STK3: variants seen among roughly 807,000 people sequenced by gnomAD.
STK3 encodes the protein serine/threonine kinase 3.
STK3 carries 41 observed loss-of-function variants against 58.0 expected under a neutral mutation model. That is an observed-to-expected ratio of 0.71 (90% confidence interval 0.55 to 0.92). The LOEUF (loss-of-function observed/expected upper bound fraction) is 0.92. STK3 is among the 40% of genes least tolerant of loss of function. STK3 has a pLI of 0.00. For missense variants in STK3, 479 were observed against 602.7 expected (o/e 0.79, Z 2.15); for synonymous variants, 170 against 191.0 (o/e 0.89, Z 0.91).
chr8:98,732,956 T>C (rs1462775881), intron 4 of STK3, among the ~76,000 whole-genome samples: 1 of 152,208 alleles, frequency 6.6e-6, no homozygotes, highest in African/African-American at 2.4e-5. Context: ...CAACCTAAAA[T>C]GTGGCAATGA....
At chr8:98,834,177 C>A (rs1034385477) in intron 3 of STK3, among the ~76,000 whole-genome samples, 2 of 152,180 alleles carry the variant, frequency 1.3e-5, no homozygotes, top group African/African-American at 4.8e-5. Flanking sequence ...TATAGTTGAA[C>A]AATGTATAGC....
At chr8:98,544,594 G>A (rs1229328120) in intron 9 of STK3, among the ~76,000 whole-genome samples, 1 of 151,028 alleles carries the variant, frequency 6.6e-6, no homozygotes, top group Non-Finnish European at 1.5e-5. Flanking sequence ...CAAGGCAGGA[G>A]GTTTACCTGA....
intron 1 of STK3, among the ~76,000 whole-genome samples, chr8:98,941,490 G>T (rs1156387622): frequency 6.6e-6 from 1 of 152,254 alleles, no homozygotes; most frequent in Non-Finnish European, 1.5e-5. Context: ...TAGTGGCTGG[G>T]ATCCCTGGAA....
chr8:98,395,738 T>C (rs1002325766), intron 3 of STK3, among the ~76,000 whole-genome samples: 3 of 152,198 alleles, frequency 2.0e-5, no homozygotes, highest in Admixed American at 6.5e-5. Flanking sequence ...CTCCAGCAAA[T>C]GTCACAACTG....
intron 4 of STK3, among the ~76,000 whole-genome samples, chr8:98,738,722 G>T (rs1828860948): frequency 6.6e-6 from 1 of 152,228 alleles, no homozygotes. Context: ...TCACTAGAGA[G>T]TGCCAGACAG....
intron 10 of STK3, among the ~76,000 whole-genome samples, chr8:98,523,254 G>T (rs1203157848): frequency 6.6e-6 from 1 of 151,970 alleles, no homozygotes; most frequent in Admixed American, 6.6e-5. Context: ...TGGGTGTGTA[G>T]TATCTTATTG....
chr8:98,894,673 C>A (rs1168571267), intron 1 of STK3, among the ~76,000 whole-genome samples: 1 of 152,206 alleles, frequency 6.6e-6, no homozygotes, highest in Non-Finnish European at 1.5e-5. Context: ...TCACAGATAT[C>A]ATCCCTGTGC....
intron 6 of STK3, among the ~76,000 whole-genome samples, chr8:98,686,770 G>C (rs1490952221): frequency 2.0e-5 from 3 of 152,086 alleles, no homozygotes; most frequent in African/African-American, 4.8e-5. Context: ...AAATTTACTA[G>C]AGGAATCTCA....
At chr8:98,395,704 T>C (rs944491383) in intron 3 of STK3, among the ~76,000 whole-genome samples, 2 of 152,234 alleles carry the variant, frequency 1.3e-5, no homozygotes, top group African/African-American at 4.8e-5. Flanking sequence ...TATTTCTATA[T>C]GCAAACATAT....
chr8:98,344,892 CAAAAAAAAAAAAAAAAAA>C, the STK3 span, among the ~76,000 whole-genome samples: 188 of 47,404 alleles, frequency 4.0e-3, 2 homozygotes, highest in Middle Eastern at 0.015. Flanking sequence ...GACTCCGTCT[CAAAAAAAAAAAAAAAAAA>C]AAAAAAAAGA....
chr8:98,513,722 A>G (rs1824707157), intron 10 of STK3, among the ~76,000 whole-genome samples: 1 of 152,138 alleles, frequency 6.6e-6, no homozygotes, highest in Non-Finnish European at 1.5e-5. Context: ...CATTTCCCCT[A>G]TCTACCCACT....
rs998641293 is a variant in STK3, at chr8:98,696,367, G to T, written c.684+10100C>A. On this transcript the variant is annotated intron_variant, in intron 6 of 10. Transcript: ENST00000419617. ...CTTTATTTCCTTCTCCTGCCTAATT[G>T]CCCTGGCCAGAACTTCCAACACTAT... 2.8e-4 allele frequency among the ~76,000 whole-genome samples: 42 copies of T among 151,074 alleles called. 1 individual carries two copies. Among genetic ancestry groups the T allele is most frequent in the Non-Finnish European group, 1.3e-4 (9 of 67,780 alleles).
rs140693604 is a variant in STK3, at chr8:98,683,566, G to A, written c.684+22901C>T. On this transcript the variant is annotated intron_variant, in intron 6 of 10. Coordinates refer to ENST00000419617, the MANE Select transcript of STK3 (RefSeq NM_006281.4). The stretch of plus-strand genomic sequence containing the variant: ...AAACTTAGATTTAGTAGGGAAATAC[G>A]ACAACTATATCAAAATAACTATGAT... Among the ~76,000 whole-genome samples, 970 of 152,086 alleles carry A rather than the reference G, an allele frequency of 6.4e-3. 7 individuals are homozygous for A. Among genetic ancestry groups the A allele is most frequent in the Non-Finnish European group, 0.011 (729 of 67,928 alleles).
At chr8:98,849,248 T>C (rs1456027865) in intron 3 of STK3, among the ~76,000 whole-genome samples, 1 of 147,506 alleles carries the variant, frequency 6.8e-6, no homozygotes, top group Non-Finnish European at 1.5e-5. Flanking sequence ...AAAAAAGAAA[T>C]TCTTAAAAGC....
intron 4 of STK3, among the ~76,000 whole-genome samples, chr8:98,741,472 G>A (rs1829202393): frequency 1.3e-5 from 2 of 152,168 alleles, no homozygotes; most frequent in Non-Finnish European, 2.9e-5. Context: ...CATGGAAACT[G>A]AACAACCTGC....
chr8:98,785,899 A>G (rs1007552913), intron 1 of STK3, among the ~76,000 whole-genome samples: 1 of 152,230 alleles, frequency 6.6e-6, no homozygotes. Flanking sequence ...AATTACACAA[A>G]TTAGCAGTGC....
chr8:98,428,585 C>A lies in STK3; in HGVS notation n.483+5542G>T, dbSNP rs1451658945. 1 of 1,614,078 alleles carries A rather than the reference C, an allele frequency of 6.2e-7. No individual in the cohort carries two copies. Among genetic ancestry groups the A allele is most frequent in the African/African-American group, 1.3e-5 (1 of 74,926 alleles). On this transcript the variant is annotated intron_variant and non_coding_transcript_variant, in intron 3 of 3. Coordinates refer to the STK3 transcript ENST00000517832. This position sits in a 1 kb window ranked among gnomAD's most constrained non-coding sequence, Gnocchi z 6.7. The stretch of plus-strand genomic sequence containing the variant: ...TCCTGGTGGTGATGGGGTCCATCAT[C>A]ACCATGTGCCTCAATAGCCTGCCCG...
intron 3 of STK3, among the ~76,000 whole-genome samples, chr8:98,749,870 T>A (rs1173224633): frequency 6.6e-6 from 1 of 152,138 alleles, no homozygotes; most frequent in African/African-American, 2.4e-5. Context: ...ATTTTTCTGC[T>A]TAAATTTATA....
At chr8:98,565,769 G>C (rs1812424465) in intron 8 of STK3, among the ~76,000 whole-genome samples, 1 of 152,148 alleles carries the variant, frequency 6.6e-6, no homozygotes, top group East Asian at 1.9e-4. Context: ...AGGTGGACTT[G>C]CCATAAGCAA....
Sources: gnomAD v4.1 joint callset for allele counts (sites outside exome capture counted in the v4.1 genomes callset) on GRCh38, gnomAD v4.1.1 for gene constraint, Gnocchi (gnomAD v3.1) non-coding constraint, MANE v1.5 for transcripts, NCBI Gene and HGNC (gene_info 2026-07-23, HGNC 2026-07-21) for gene names.